ZDHHC13: variants seen among roughly 807,000 people sequenced by gnomAD.
The protein encoded by ZDHHC13 is zDHHC palmitoyltransferase 13.
A neutral mutation model predicts 86.0 loss-of-function variants in ZDHHC13; 85 were observed. The observed-to-expected ratio is 0.99, with a 90% CI of 0.83 to 1.18. The LOEUF is 1.18. ZDHHC13 is among the 50% of genes most tolerant of loss of function. ZDHHC13 has a pLI of 0.00. For missense variants in ZDHHC13, 711 were observed against 730.2 expected (o/e 0.97, Z 0.30); for synonymous variants, 263 against 246.4 (o/e 1.07, Z -0.63).
At chr11:19,148,435 A>G (rs139697774) in intron 4 of ZDHHC13, among the ~76,000 whole-genome samples, 8 of 152,230 alleles carry the variant, frequency 5.3e-5, no homozygotes, top group Non-Finnish European at 1.2e-4. Flanking sequence ...CAAGCATAAG[A>G]AAAGCATATG....
chr11:19,147,956 G>C (rs972342994), intron 4 of ZDHHC13, among the ~76,000 whole-genome samples: 10 of 152,076 alleles, frequency 6.6e-5, no homozygotes, highest in African/African-American at 2.4e-4. Context: ...TAGTAGTTCA[G>C]TGAAGTGCAA....
chr11:19,123,852 C>G (rs920543728), intron 1 of ZDHHC13, among the ~76,000 whole-genome samples: 1 of 152,018 alleles, frequency 6.6e-6, no homozygotes, highest in Non-Finnish European at 1.5e-5. Context: ...AGATAGGATG[C>G]CATTTTTAGC....
intron 9 of ZDHHC13, among the ~76,000 whole-genome samples, chr11:19,156,231 A>G (rs991166457): frequency 2.0e-5 from 3 of 152,190 alleles, no homozygotes; most frequent in Non-Finnish European, 2.9e-5. Context: ...TTTCATAATT[A>G]TTCAAGATTT....
chr11:19,165,817 G>A (rs906681919), intron 13 of ZDHHC13, among the ~76,000 whole-genome samples: 2 of 152,190 alleles, frequency 1.3e-5, no homozygotes, highest in African/African-American at 4.8e-5. Flanking sequence ...AAGATACTGG[G>A]TATGATTTGT....
rs572044153 is a variant in ZDHHC13 at position 19,146,168 on chromosome 11, T to C, written c.174-13T>C. On this transcript the variant is annotated splice_polypyrimidine_tract_variant and intron_variant, in intron 2 of 16. Transcript: ENST00000446113. ...TAATTGTATCAATTATGCTTTTTTT[T>C]TTCTTCTTTGAGATACGGAATTTTT... The C allele has an allele frequency of 4.8e-4, 744 of 1,554,956 alleles. 8 individuals are homozygous for C. In the South Asian group the frequency reaches 8.6e-3, roughly 18 times the overall value.
chr11:19,164,809 C>T, intron 12 of ZDHHC13: 3 of 504,192 alleles, frequency 6.0e-6, no homozygotes, highest in Non-Finnish European at 1.1e-5. Context: ...GTGGTACTGC[C>T]TCATTTCTGC....
intron 1 of ZDHHC13, among the ~76,000 whole-genome samples, chr11:19,136,334 T>G (rs1240653135): frequency 3.3e-5 from 5 of 151,846 alleles, no homozygotes; most frequent in Admixed American, 2.6e-4. Flanking sequence ...TGATGGAAGA[T>G]GAAGTGAATG....
chr11:19,147,884 T>G (rs1191226584), intron 4 of ZDHHC13, among the ~76,000 whole-genome samples: 1 of 151,526 alleles, frequency 6.6e-6, no homozygotes, highest in African/African-American at 2.4e-5. Context: ...AAATATGTGT[T>G]TTATAGTTTC....
intron 16 of ZDHHC13, among the ~76,000 whole-genome samples, chr11:19,175,387 C>T (rs1473403712): frequency 4.6e-4 from 2 of 4,306 alleles, no homozygotes; most frequent in Non-Finnish European, 7.7e-4. Context: ...GAGACTCCGT[C>T]TCAAAAAAAA....
At chr11:19,124,331 A>G (rs1848824136) in intron 1 of ZDHHC13, among the ~76,000 whole-genome samples, 1 of 152,152 alleles carries the variant, frequency 6.6e-6, no homozygotes, top group Non-Finnish European at 1.5e-5. Flanking sequence ...GCACAATATT[A>G]TATATGTTAA....
intron 13 of ZDHHC13, 71 bp downstream of exon 13, chr11:19,165,216 T>C (rs1590089608): frequency 6.9e-7 from 1 of 1,439,454 alleles, no homozygotes; most frequent in East Asian, 2.5e-5. Flanking sequence ...ACAGAAAAAG[T>C]GGAAGGGCAT....
chr11:19,136,588 G>T (rs1318716355), intron 1 of ZDHHC13, among the ~76,000 whole-genome samples: 1 of 152,020 alleles, frequency 6.6e-6, no homozygotes, highest in Non-Finnish European at 1.5e-5. Flanking sequence ...GATACTCCTC[G>T]AGAAGAGCAA....
intron 10 of ZDHHC13, among the ~76,000 whole-genome samples, chr11:19,162,305 T>G (rs1249315618): frequency 6.6e-6 from 1 of 152,170 alleles, no homozygotes; most frequent in Non-Finnish European, 1.5e-5. Context: ...ATTGAGAGAC[T>G]TAACTGCAAA....
rs77455209 is a variant in ZDHHC13, at chr11:19,173,937, G to C, written c.1730+1117G>C. On this transcript the variant is annotated intron_variant, in intron 16 of 16. Transcript: ENST00000446113. ...AGAGCACGTTTGCTGAATGATGGCA[G>C]CATCAACTAGAGGAACTCAAGGGAA... is the stretch of plus-strand genomic sequence containing the variant. 3.9e-4 allele frequency among the ~76,000 whole-genome samples: 60 copies of C among 152,274 alleles called. No homozygotes were observed. The East Asian group carries it at 0.01, about 26-fold the overall frequency.
intron 1 of ZDHHC13, among the ~76,000 whole-genome samples, chr11:19,134,840 A>T (rs1849089910): frequency 1.3e-5 from 2 of 152,140 alleles, no homozygotes; most frequent in South Asian, 4.1e-4. Context: ...CATATATCCC[A>T]GAACTTAAAG....
At chr11:19,138,711 C>T (rs1437058541) in intron 1 of ZDHHC13, among the ~76,000 whole-genome samples, 4 of 151,440 alleles carry the variant, frequency 2.6e-5, no homozygotes, top group Admixed American at 2.0e-4. Flanking sequence ...AAAGCTTATC[C>T]ACCATGATCA....
chr11:19,171,009 T>C (rs1850207680), intron 15 of ZDHHC13, among the ~76,000 whole-genome samples: 1 of 152,272 alleles, frequency 6.6e-6, no homozygotes, highest in East Asian at 1.9e-4. Flanking sequence ...TAGTATAAAC[T>C]GTAAACCATC....
intron 14 of ZDHHC13, 129 bp from the exon 15 acceptor site, chr11:19,170,273 GAAATCCTAA>G: frequency 7.1e-7 from 1 of 1,416,980 alleles, no homozygotes; most frequent in Non-Finnish European, 9.1e-7. Flanking sequence ...TGTGGAAAAT[GAAATCCTAA>G]AATTGAATCA....
rs115926817 is a variant in ZDHHC13, at chr11:19,141,108, A to T, written c.28-1870A>T. On this transcript the variant is annotated intron_variant, in intron 1 of 16. Coordinates refer to ENST00000446113, the MANE Select transcript of ZDHHC13 (RefSeq NM_019028.3). ...AAGAAAAAAAAGTACTGATTCAGGG[A>T]GGTTTCTCTTTAAGGTATCATTTCT... is the stretch of plus-strand genomic sequence containing the variant. Among the ~76,000 whole-genome samples, 1,034 of 151,846 alleles carry T rather than the reference A, an allele frequency of 6.8e-3. 9 individuals are homozygous for T. Among genetic ancestry groups the T allele is most frequent in the African/African-American group, 0.024 (975 of 41,484 alleles).
Sources: gnomAD v4.1 joint callset for allele counts (sites outside exome capture counted in the v4.1 genomes callset) on GRCh38, gnomAD v4.1.1 for gene constraint, MANE v1.5 for transcripts, NCBI Gene and HGNC (gene_info 2026-07-23, HGNC 2026-07-21) for gene names.